The following COMMD6 variants were observed in gnomAD, a reference collection of about 807,000 sequenced individuals.
The protein encoded by COMMD6 is COMM domain containing 6.
COMMD6 carries 11 observed loss-of-function variants against 13.4 expected under a neutral mutation model. That is an observed-to-expected ratio of 0.82 (90% CI 0.52 to 1.36). COMMD6 has a LOEUF of 1.36. Ranked by LOEUF, COMMD6 falls within the 40% of genes most tolerant of loss-of-function variation. The pLI is 0.00. For missense variants in COMMD6, 124 were observed against 102.4 expected (o/e 1.21, Z -0.91); for synonymous variants, 43 against 36.5 (o/e 1.18, Z -0.64).
intron 2 of COMMD6, among the ~76,000 whole-genome samples, chr13:75,533,862 C>T (rs1051822640): frequency 6.6e-6 from 1 of 152,102 alleles, no homozygotes; most frequent in African/African-American, 2.4e-5. Context: ...TAGGAATGTT[C>T]AGAAAGTGGC....
chr13:75,541,120 A>G (rs2030819308), upstream of COMMD6, among the ~76,000 whole-genome samples: 1 of 152,154 alleles, frequency 6.6e-6, no homozygotes, highest in African/African-American at 2.4e-5. Context: ...TTGTCGGTTT[A>G]GCATCCTGGG....
chr13:75,544,832 A>G (rs868351235), intron 1 of COMMD6, among the ~76,000 whole-genome samples: 4 of 150,498 alleles, frequency 2.7e-5, no homozygotes, highest in African/African-American at 9.7e-5. Context: ...AGGCTGAGGC[A>G]CTAGAATTGC....
At chr13:75,536,294 T>C (rs1463236410) in intron 2 of COMMD6, among the ~76,000 whole-genome samples, 1 of 152,236 alleles carries the variant, frequency 6.6e-6, no homozygotes, top group Non-Finnish European at 1.5e-5. Flanking sequence ...ATTCTAATAA[T>C]GTTTGTAAAT....
intron 1 of COMMD6, among the ~76,000 whole-genome samples, chr13:75,544,926 C>A (rs867041646): frequency 1.1e-3 from 115 of 104,524 alleles, no homozygotes; most frequent in Middle Eastern, 5.7e-3. Context: ...ACTCTGTCTC[C>A]AAAAAAAAAA....
chr13:75,530,424 T>A (rs1371222494), intron 2 of COMMD6, 158 bp from the exon 3 acceptor site: 15 of 498,026 alleles, frequency 3.0e-5, no homozygotes, highest in Middle Eastern at 5.2e-4. Flanking sequence ...GGAACAATAA[T>A]CAAATGAAAA....
chr13:75,527,766 A>T, intron 3 of COMMD6: 9 of 1,388,254 alleles, frequency 6.5e-6, no homozygotes, highest in Non-Finnish European at 8.5e-6. Flanking sequence ...AAAGGCTAAT[A>T]CTGCGTGATC....
chr13:75,527,924 A>T, intron 3 of COMMD6: 1 of 1,394,414 alleles, frequency 7.2e-7, no homozygotes, highest in Non-Finnish European at 9.4e-7. Flanking sequence ...TCTGAGATCT[A>T]ATGTACAATA....
upstream of COMMD6, chr13:75,537,995 G>T (rs963984580): frequency 5.0e-4 from 241 of 481,110 alleles, no homozygotes; most frequent in African/African-American, 3.6e-3. Context: ...TGAGCTAAAA[G>T]AAAATTATTT....
intron 1 of COMMD6, among the ~76,000 whole-genome samples, chr13:75,547,425 C>T (rs1364434103): frequency 6.6e-6 from 1 of 152,112 alleles, no homozygotes; most frequent in East Asian, 1.9e-4. Flanking sequence ...AAATGCAAAA[C>T]CCATAAATAA....
At chr13:75,539,049 A>T (rs2030775748), upstream of COMMD6, among the ~76,000 whole-genome samples, 1 of 152,056 alleles carries the variant, frequency 6.6e-6, no homozygotes, top group East Asian at 1.9e-4. Context: ...CTCCACCTTC[A>T]AAGCCAGGAA....
chr13:75,535,306 G>A (rs1419250258), intron 2 of COMMD6, among the ~76,000 whole-genome samples: 5 of 152,188 alleles, frequency 3.3e-5, no homozygotes, highest in Non-Finnish European at 1.5e-5. Flanking sequence ...AAATACCTAC[G>A]ACTTTTTTCC....
intron 3 of COMMD6, among the ~76,000 whole-genome samples, chr13:75,528,852 C>CA (rs1256614755): frequency 5.1e-4 from 59 of 115,470 alleles, no homozygotes; most frequent in Middle Eastern, 4.9e-3. Context: ...AACTGTGTCC[C>CA]AAAAAAAAAG....
At chr13:75,532,106 A>G (rs2030499086) in intron 2 of COMMD6, among the ~76,000 whole-genome samples, 1 of 152,248 alleles carries the variant, frequency 6.6e-6, no homozygotes, top group African/African-American at 2.4e-5. Context: ...TAAAGAGAAT[A>G]TGCCTATCCT....
chr13:75,530,450 AG>A (rs2030433238), intron 2 of COMMD6, 184 bp from the exon 3 acceptor site: 4 of 460,522 alleles, frequency 8.7e-6, no homozygotes. Context: ...AGAGGTTATA[AG>A]GGATATAAAC....
upstream of COMMD6, among the ~76,000 whole-genome samples, chr13:75,538,248 G>C (rs1321849207): frequency 1.3e-5 from 2 of 152,198 alleles, no homozygotes; most frequent in African/African-American, 4.8e-5. Context: ...ACAGTTATAG[G>C]ATGAGCTGCT....
chr13:75,548,637 T>C (rs1414079085), intron 1 of COMMD6, among the ~76,000 whole-genome samples: 2 of 152,230 alleles, frequency 1.3e-5, no homozygotes, highest in Admixed American at 1.3e-4. Flanking sequence ...TCACACGTTT[T>C]TCACATTATT....
At chr13:75,542,442 A>G (rs1396860214), upstream of COMMD6, among the ~76,000 whole-genome samples, 5 of 152,064 alleles carry the variant, frequency 3.3e-5, no homozygotes, top group Non-Finnish European at 1.5e-5. Context: ...GGCATGCGCC[A>G]CCATGCCCAG....
At chr13:75,540,806 C>T (rs1232687388), upstream of COMMD6, among the ~76,000 whole-genome samples, 2 of 152,112 alleles carry the variant, frequency 1.3e-5, no homozygotes. Context: ...TACAGTAAGC[C>T]TAGTACTATC....
At chr13:75,530,006 T>C (rs2030412518) in intron 3 of COMMD6, 108 bp downstream of exon 3, 2 of 822,264 alleles carry the variant, frequency 2.4e-6, no homozygotes, top group South Asian at 3.4e-5. Context: ...AGCATATCAA[T>C]CTACAAATAA....
Sources: gnomAD v4.1 joint callset for allele counts (sites outside exome capture counted in the v4.1 genomes callset) on GRCh38, gnomAD v4.1.1 for gene constraint, MANE v1.5 for transcripts, NCBI Gene and HGNC (gene_info 2026-07-23, HGNC 2026-07-21) for gene names.